Variants in PALLD observed in about 807,000 individuals in gnomAD.
PALLD encodes palladin.
In PALLD, 61 loss-of-function variants were observed where a neutral mutation model predicts 123.5. That is an observed-to-expected ratio of 0.49 (90% CI 0.40 to 0.61). The LOEUF (loss-of-function observed/expected upper bound fraction) is 0.61. Ranked by LOEUF, PALLD falls within the 20% of genes least tolerant of loss-of-function variation. The pLI is 0.00. For synonymous variants in PALLD, 465 were observed against 496.4 expected (o/e 0.94, Z 0.84); for missense variants, 1,273 against 1,377.0 (o/e 0.92, Z 1.20).
At chr4:168,758,299 A>G (rs1732178434) in intron 10 of PALLD, among the ~76,000 whole-genome samples, 1 of 152,092 alleles carries the variant, frequency 6.6e-6, no homozygotes, top group Non-Finnish European at 1.5e-5. Flanking sequence ...TCAGACATTG[A>G]TCCAACTCAA....
At chr4:168,726,252 T>C (rs1006597664) in intron 10 of PALLD, among the ~76,000 whole-genome samples, 1 of 152,254 alleles carries the variant, frequency 6.6e-6, no homozygotes, top group African/African-American at 2.4e-5. Flanking sequence ...CAGAAGTTTC[T>C]AAAAGGAATT....
chr4:168,906,898 A>C (rs1200610405), intron 15 of PALLD, among the ~76,000 whole-genome samples: 1 of 152,198 alleles, frequency 6.6e-6, no homozygotes, highest in East Asian at 1.9e-4. Flanking sequence ...GAAGGAAATA[A>C]AAAAGAAATG....
At chr4:168,595,356 G>T (rs143288434) in intron 2 of PALLD, among the ~76,000 whole-genome samples, 4 of 152,234 alleles carry the variant, frequency 2.6e-5, no homozygotes, top group African/African-American at 9.6e-5. Context: ...GATCTACTGA[G>T]ATCTGTACTA....
At chr4:168,563,342 A>C (rs1010377791) in intron 2 of PALLD, among the ~76,000 whole-genome samples, 1 of 152,174 alleles carries the variant, frequency 6.6e-6, no homozygotes, top group African/African-American at 2.4e-5. Flanking sequence ...TCTGCTAGGA[A>C]ATGAGACTTA....
intron 2 of PALLD, chr4:168,631,926 A>G: frequency 2.0e-6 from 2 of 984,564 alleles, no homozygotes; most frequent in Non-Finnish European, 2.4e-6. Flanking sequence ...AAATCTATGC[A>G]GACATGGAGG....
At chr4:168,648,036 C>T (rs1348722587) in intron 2 of PALLD, 1 of 152,092 alleles carries the variant, frequency 6.6e-6, no homozygotes, top group Non-Finnish European at 1.5e-5. Flanking sequence ...TAAGGTAGTT[C>T]TCTGGGACTG....
intron 8 of PALLD, among the ~76,000 whole-genome samples, chr4:168,692,930 G>C (rs753064095): frequency 6.6e-6 from 1 of 152,204 alleles, no homozygotes; most frequent in African/African-American, 2.4e-5. Flanking sequence ...ACATTAGTTA[G>C]AAACTGCACA....
intron 2 of PALLD, among the ~76,000 whole-genome samples, chr4:168,567,278 A>G (rs1175703894): frequency 6.6e-6 from 1 of 152,184 alleles, no homozygotes; most frequent in Non-Finnish European, 1.5e-5. Context: ...TAGGCATCTG[A>G]CAAACGACTA....
chr4:168,575,022 G>T (rs1044649470), intron 2 of PALLD, among the ~76,000 whole-genome samples: 1 of 152,028 alleles, frequency 6.6e-6, no homozygotes, highest in African/African-American at 2.4e-5. Context: ...AGCTTAGTTA[G>T]CCTTTGAGAT....
At chr4:168,692,173 G>A (rs769534256) in intron 8 of PALLD, among the ~76,000 whole-genome samples, 1 of 152,118 alleles carries the variant, frequency 6.6e-6, no homozygotes, top group Admixed American at 6.5e-5. Flanking sequence ...CTTCTTGGGG[G>A]AACTGGAAAG....
chr4:168,808,863 C>T (rs1254864357), intron 10 of PALLD, among the ~76,000 whole-genome samples: 4 of 152,172 alleles, frequency 2.6e-5, no homozygotes, highest in Non-Finnish European at 5.9e-5. Context: ...ATCCCTCCCA[C>T]AACATGTGGG....
chr4:168,679,922 C>G (rs1781374644), intron 3 of PALLD, among the ~76,000 whole-genome samples: 2 of 151,962 alleles, frequency 1.3e-5, no homozygotes, highest in South Asian at 4.1e-4. Context: ...GGATGGTAGA[C>G]ACAGAAATAA....
At chr4:168,802,331 C>G (rs1372995651) in intron 10 of PALLD, among the ~76,000 whole-genome samples, 3 of 152,144 alleles carry the variant, frequency 2.0e-5, no homozygotes, top group African/African-American at 7.2e-5. Flanking sequence ...TTTACACCCA[C>G]TGAAAATTGT....
rs559526008 is a variant in PALLD, at chr4:168,579,658, C to T, written c.908+67246C>T. ...TGCCCCTATTGTGAAGATGACTCTT[C>T]GGTAGCTTAACGGGGCATTGTTTTT... On this transcript the variant is annotated intron_variant, in intron 2 of 21. Coordinates refer to ENST00000505667, the MANE Select transcript of PALLD (RefSeq NM_001166108.2). Among the ~76,000 whole-genome samples the T allele has an allele frequency of 2.9e-3, 433 of 151,876 alleles. 3 individuals are homozygous for T. The highest frequency in any genetic ancestry group is 0.01 in the African/African-American group (415 of 41,452).
chr4:168,545,808 T>C (rs1380175884), intron 2 of PALLD, among the ~76,000 whole-genome samples: 3 of 152,186 alleles, frequency 2.0e-5, no homozygotes, highest in Admixed American at 6.5e-5. Context: ...TATCAATATA[T>C]AATATCCACT....
rs1367099831 is a variant in PALLD at position 168,711,782 on chromosome 4, G to C, written c.1823G>C (p.Arg608Thr). 3 of 1,614,024 alleles carry C rather than the reference G, an allele frequency of 1.9e-6. No individual in the cohort carries two copies. Among genetic ancestry groups the C allele is most frequent in the Non-Finnish European group, 1.7e-6 (2 of 1,180,030 alleles). ...ALQMQFNAAE[R>T]ETNGVHPSRG... ...CAAATGCAATTCAATGCTGCTGAGAGGGAAACGAACGGAGTCCATCCCAGC... is the reference window on the plus strand; with the variant it reads ...CAAATGCAATTCAATGCTGCTGAGACGGAAACGAACGGAGTCCATCCCAGC... Residue 608 changes from arginine to threonine, a missense_variant, in exon 10 of 22, where the codon AGG becomes ACG. Around this residue, in one of 2 missense-constraint regions of PALLD, gnomAD observed 944 missense variants for 954.5 expected, o/e 0.99. Transcript: ENST00000505667.
At chr4:168,518,797 A>G (rs1187848267) in intron 2 of PALLD, among the ~76,000 whole-genome samples, 2 of 152,196 alleles carry the variant, frequency 1.3e-5, no homozygotes, top group African/African-American at 4.8e-5. Flanking sequence ...TTCCTTCACT[A>G]GAATATAAAA....
chr4:168,589,931 C>T (rs1336351183), intron 2 of PALLD, among the ~76,000 whole-genome samples: 1 of 152,218 alleles, frequency 6.6e-6, no homozygotes, highest in Non-Finnish European at 1.5e-5. Flanking sequence ...CCCAGCTCTT[C>T]ACCAGTTTTT....
chr4:168,631,114 G>T (rs78236974), intron 2 of PALLD, among the ~76,000 whole-genome samples: 1,918 of 152,284 alleles, frequency 0.013, 37 homozygotes, highest in African/African-American at 0.043. Context: ...CTTTCCTAGG[G>T]GCTTACTTGT....
Sources: gnomAD v4.1 joint callset for allele counts (sites outside exome capture counted in the v4.1 genomes callset) on GRCh38, gnomAD v4.1.1 for gene constraint, gnomAD v4.1.1 regional missense constraint, MANE v1.5 for transcripts, NCBI Gene and HGNC (gene_info 2026-07-23, HGNC 2026-07-21) for gene names.